Variants in RAI1 observed in about 807,000 individuals in gnomAD.
RAI1 encodes the protein retinoic acid-induced protein 1.
In RAI1, 9 loss-of-function variants were observed where a neutral mutation model predicts 123.8. That is an observed-to-expected ratio of 0.07 (90% CI 0.04 to 0.13). The LOEUF (loss-of-function observed/expected upper bound fraction) is 0.13, where lower values mean the gene tolerates loss of function less well. Ranked by LOEUF, RAI1 falls within the 10% of genes least tolerant of loss-of-function variation. The probability of loss-of-function intolerance (pLI) is 1.00; values close to 1 mark genes in which losing one functional copy is unlikely to be tolerated. For synonymous variants in RAI1, 1,231 were observed against 1,127.3 expected, an observed-to-expected ratio of 1.09 and a Z score of -1.84; for missense variants, 2,256 against 2,545.8, an observed-to-expected ratio of 0.89 and a Z score of 2.45.
intron 2 of RAI1, among the ~76,000 whole-genome samples, chr17:17,790,273 CG>C (rs2031966210): frequency 6.6e-6 from 1 of 152,252 alleles, no homozygotes; most frequent in Admixed American, 6.5e-5. Context: ...CACTGAGAGG[CG>C]GCCTGTGCCT....
At chr17:17,725,346 C>T (rs186959037) in intron 2 of RAI1, among the ~76,000 whole-genome samples, 128 of 152,250 alleles carry the variant, frequency 8.4e-4, no homozygotes, top group African/African-American at 3.0e-3. Flanking sequence ...CTCCTGCGAT[C>T]CTCAGCAGAC....
At chr17:17,783,813 G>T (rs1293233727) in intron 2 of RAI1, among the ~76,000 whole-genome samples, 1 of 152,142 alleles carries the variant, frequency 6.6e-6, no homozygotes, top group African/African-American at 2.4e-5. Context: ...TGGCCTAGTC[G>T]CAGACCCTAA....
intron 2 of RAI1, among the ~76,000 whole-genome samples, chr17:17,766,577 G>T (rs1025541178): frequency 6.6e-6 from 1 of 152,312 alleles, no homozygotes; most frequent in East Asian, 1.9e-4. Flanking sequence ...GCGTGCTGGG[G>T]CCTCAACCCA....
At chr17:17,718,957 A>G (rs1411618163) in intron 1 of RAI1, among the ~76,000 whole-genome samples, 1 of 152,208 alleles carries the variant, frequency 6.6e-6, no homozygotes, top group Non-Finnish European at 1.5e-5. Flanking sequence ...TGAATGGCAG[A>G]TCCCAGCAGC....
chr17:17,701,170 C>G (rs1457478400), intron 1 of RAI1, among the ~76,000 whole-genome samples: 1 of 152,166 alleles, frequency 6.6e-6, no homozygotes, highest in Non-Finnish European at 1.5e-5. Flanking sequence ...GTGGGCTAGC[C>G]CATGGTGAAG....
rs530133036 is a variant in RAI1, at chr17:17,694,860, G to A, written c.-149+13067G>A. 9.2e-5 allele frequency among the ~76,000 whole-genome samples: 14 copies of A among 151,908 alleles called. No homozygotes were observed. The South Asian group carries it at 2.9e-3, about 31-fold the overall frequency. Reference sequence around the variant, plus strand: ...CGGGGTGCTGAGGCCCCGCCCCCTGGCGGATCCCGGGTCTTTTTCCGGGAA... The same window carrying A: ...CGGGGTGCTGAGGCCCCGCCCCCTGACGGATCCCGGGTCTTTTTCCGGGAA... On this transcript the variant is annotated intron_variant, in intron 1 of 5. Transcript: ENST00000353383.
rs548212912 is a variant in RAI1 at position 17,722,820 on chromosome 17, A to C, written c.-148-1208A>C. 3.2e-4 allele frequency among the ~76,000 whole-genome samples: 47 copies of C among 147,102 alleles called. 1 individual carries two copies. The South Asian group carries it at 9.3e-3, about 29-fold the overall frequency. On this transcript the variant is annotated intron_variant, in intron 1 of 5. Coordinates refer to ENST00000353383, the MANE Select transcript of RAI1 (RefSeq NM_030665.4). Reference sequence around the variant, plus strand: ...ATGCGGCTAGGGGAGGCGCGCGATGAAGGCCCCCCTCTTCTCCGCCTTCTC... The same window carrying C: ...ATGCGGCTAGGGGAGGCGCGCGATGCAGGCCCCCCTCTTCTCCGCCTTCTC...
chr17:17,732,242 G>T (rs1916295145), intron 2 of RAI1, among the ~76,000 whole-genome samples: 1 of 152,238 alleles, frequency 6.6e-6, no homozygotes, highest in South Asian at 2.1e-4. Context: ...CCTGGGCTGT[G>T]TTGGGAGCGT....
chr17:17,746,201 G>A (rs1029802354), intron 2 of RAI1, among the ~76,000 whole-genome samples: 2 of 152,200 alleles, frequency 1.3e-5, no homozygotes, highest in African/African-American at 4.8e-5. Flanking sequence ...AGATGCCCCC[G>A]GGGGTGCCAC....
intron 2 of RAI1, among the ~76,000 whole-genome samples, chr17:17,792,685 G>A (rs929433299): frequency 1.4e-4 from 22 of 151,896 alleles, no homozygotes; most frequent in Admixed American, 9.2e-4. Context: ...ATGTGGGAGC[G>A]GGAATTACAG....
chr17:17,808,235 C>T (rs2032633456), intron 4 of RAI1, among the ~76,000 whole-genome samples: 1 of 151,994 alleles, frequency 6.6e-6, no homozygotes, highest in Admixed American at 6.6e-5. Flanking sequence ...GTGGAGACTC[C>T]CTGAGATAGC....
At chr17:17,712,231 C>A (rs1402493792) in intron 1 of RAI1, among the ~76,000 whole-genome samples, 1 of 152,238 alleles carries the variant, frequency 6.6e-6, no homozygotes. Context: ...AATAAAACAA[C>A]ATGTGACGGA....
rs142981643 is a variant in RAI1 at position 17,797,984 on chromosome 17, C to T, written c.5036C>T (p.Ala1679Val). Residue 1679 changes from alanine (A) to valine (V), a missense_variant, in exon 3 of 6, where the codon GCC becomes GTC. Ala to Val is a moderately conservative substitution (Grantham distance 64). Transcript: ENST00000353383. Reference sequence around the variant, plus strand: ...CACTTGGGGCCTGTGGTTTCCAAGGCCCTGAGTACCTCTTGCCTTGTTTGC... The same window carrying T: ...CACTTGGGGCCTGTGGTTTCCAAGGTCCTGAGTACCTCTTGCCTTGTTTGC... ...TMHLGPVVSK[A>V]LSTSCLVCCL... The T allele has an allele frequency of 1.1e-3, 1,727 of 1,614,154 alleles. 3 individuals are homozygous for T. Among genetic ancestry groups the T allele is most frequent in the Non-Finnish European group, 1.4e-3 (1,602 of 1,180,040 alleles).
Position 17,685,219 on chromosome 17 carries a change from G to A in RAI1, c.-149+3426G>A, listed in dbSNP as rs75718271. Among the ~76,000 whole-genome samples the A allele has an allele frequency of 5.9e-3, 900 of 152,338 alleles. 8 individuals are homozygous for A. The highest frequency in any genetic ancestry group is 0.017 in the African/African-American group (706 of 41,570). ...ACAGCAACGGTGTGCGCAGAGCAGC[G>A]TCTCTGCGGGAGAGGCACCTGGGCA... On this transcript the variant is annotated intron_variant, in intron 1 of 5. Transcript: ENST00000353383. The surrounding 1 kb of genome is among the most constrained non-coding windows in gnomAD (Gnocchi z 4.0).
chr17:17,763,540 C>T (rs1022579022), intron 2 of RAI1, among the ~76,000 whole-genome samples: 4 of 152,288 alleles, frequency 2.6e-5, no homozygotes, highest in African/African-American at 9.6e-5. Context: ...CCCACTCTGC[C>T]GGAGTGGCCA....
Position 17,798,293 on chromosome 17 carries a change from G to A in RAI1, c.5345G>A (p.Ser1782Asn), listed in dbSNP as rs1349951593. 1 of 1,595,826 alleles carries A rather than the reference G, an allele frequency of 6.3e-7. No homozygotes were observed. The highest frequency in any genetic ancestry group is 8.5e-7 in the Non-Finnish European group (1 of 1,170,490). The change falls in exon 3 of 6, where the codon AGC (serine) becomes AAC (asparagine). Residue 1782 changes from serine to asparagine, a missense_variant. This residue lies in a region of RAI1 where 243 missense variants were observed against 316.6 expected (regional missense o/e 0.77). Coordinates refer to ENST00000353383, the MANE Select transcript of RAI1 (RefSeq NM_030665.4). The stretch of plus-strand genomic sequence containing the variant: ...CGGGGCCTGTCCCGGAGGCTGCAGA[G>A]CTGCTACTGCTGTGATGGCCGGGAG... The part of the protein sequence containing the change: ...SARGLSRRLQ[S>N]CYCCDGREDG...
At chr17:17,781,147 A>T (rs898222978) in intron 2 of RAI1, among the ~76,000 whole-genome samples, 1 of 152,028 alleles carries the variant, frequency 6.6e-6, no homozygotes, top group African/African-American at 2.4e-5. Context: ...CAGGTTCCCA[A>T]ATAGGCGGTA....
chr17:17,794,179 G>C lies in RAI1; in HGVS notation c.1231G>C (p.Ala411Pro), dbSNP rs2143001864. The change falls in exon 3 of 6, where the codon GCT becomes CCT. Residue 411 changes from alanine (A) to proline (P), a missense_variant. By Grantham distance (27) the Ala-to-Pro change is conservative (BLOSUM62 -1). This residue lies in a region of RAI1 where 357 missense variants were observed against 480.2 expected (regional missense o/e 0.74). Coordinates refer to ENST00000353383, the MANE Select transcript of RAI1 (RefSeq NM_030665.4). ...TDATSSVDTQ[A>P]GNCKPLQKDK... ...TGCCACCAGCTCTGTGGACACCCAG[G>C]CTGGCAACTGCAAGCCCCTTCAGAA... 6.2e-7 allele frequency: 1 copy of C among 1,613,738 alleles called. No homozygotes were observed. Among genetic ancestry groups the C allele is most frequent in the Non-Finnish European group, 8.5e-7 (1 of 1,180,042 alleles).
At chr17:17,722,268 G>A (rs191307657) in intron 1 of RAI1, among the ~76,000 whole-genome samples, 1 of 152,280 alleles carries the variant, frequency 6.6e-6, no homozygotes, top group African/African-American at 2.4e-5. Flanking sequence ...CGGATGGATG[G>A]ATGAATGAAT....
Sources: allele counts gnomAD v4.1 joint callset (sites outside exome capture counted in the v4.1 genomes callset), GRCh38; gene constraint gnomAD v4.1.1; regional missense constraint gnomAD v4.1.1; non-coding constraint Gnocchi (gnomAD v3.1); transcripts MANE v1.5; gene names NCBI Gene and HGNC (gene_info 2026-07-23, HGNC 2026-07-21).